The following NBEAL2 variants were observed in gnomAD, a reference collection of about 807,000 sequenced individuals.
NBEAL2 encodes neurobeachin like 2.
Under a neutral mutation model 299.8 loss-of-function variants are expected in NBEAL2, and 160 were observed. That is an observed-to-expected ratio of 0.53 (90% CI 0.47 to 0.61). The LOEUF is 0.61. Among genes scored for constraint, NBEAL2 ranks in the 20% least tolerant of loss-of-function variants. The pLI, the probability that NBEAL2 is intolerant of heterozygous loss-of-function variation, is 0.00. For synonymous variants in NBEAL2, 1,493 were observed against 1,542.3 expected, an observed-to-expected ratio of 0.97 and a Z score of 0.75; for missense variants, 3,112 against 3,649.0, an observed-to-expected ratio of 0.85 and a Z score of 3.79.
intron 1 of NBEAL2, chr3:46,987,962 C>T (rs2035790497): frequency 7.9e-7 from 1 of 1,270,342 alleles, no homozygotes; most frequent in South Asian, 1.3e-5. Flanking sequence ...TGCCCCAGCC[C>T]CGGGGCGGGA....
rs200066213 is a variant in NBEAL2, at chr3:46,991,774, T to C, written c.926-66T>C. On this transcript the variant is annotated intron_variant, in intron 8 of 53. Coordinates refer to ENST00000450053, the MANE Select transcript of NBEAL2 (RefSeq NM_015175.3). The surrounding 1 kb of genome is among the most constrained non-coding windows in gnomAD (Gnocchi z 6.2). ...GATGGAAGGTCTGGATAGGGCAGCATAGGAAGGAAGGCTTAAGGCTGCCTA... is the reference window on the plus strand; with the variant it reads ...GATGGAAGGTCTGGATAGGGCAGCACAGGAAGGAAGGCTTAAGGCTGCCTA... The C allele has an allele frequency of 1.9e-6, 3 of 1,562,804 alleles. No homozygotes were observed. The highest frequency in any genetic ancestry group is 2.6e-6 in the Non-Finnish European group (3 of 1,153,220).
At position 46,995,416 on chromosome 3, in the gene NBEAL2, G is replaced by A. The variant is rs981002487; in HGVS notation, c.1681G>A (p.Val561Ile). ...TGGAAAGGCCCGACACGCAGGTGCT[G>A]TCATCCGCACATTATCAGGCATGGC... is the stretch of plus-strand genomic sequence containing the variant. ...EAGKARHAGA[V>I]IRTLSGMARH... is the part of the protein sequence containing the mutation. Residue 561 changes from valine (V) to isoleucine (I), a missense_variant, in exon 13 of 54, where the codon GTC becomes ATC. This residue lies in a region of NBEAL2 where 2,243 missense variants were observed against 2,538.1 expected (regional missense o/e 0.88). Transcript: ENST00000450053. The A allele has an allele frequency of 2.5e-6, 4 of 1,612,698 alleles. No homozygotes were observed. Among genetic ancestry groups the A allele is most frequent in the Middle Eastern group, 1.6e-4 (1 of 6,084 alleles).
Position 47,005,398 on chromosome 3 carries a change from A to AC in NBEAL2, c.6560+81dup, listed in dbSNP as rs2037353006. Reference sequence around the variant, plus strand: ...CTGGTCCTCCCCACATCCTGGGCCCACCCCTGGCTCCCTTCTTCCCTCCAG... The same window carrying AC: ...CTGGTCCTCCCCACATCCTGGGCCCACCCCCTGGCTCCCTTCTTCCCTCCAG... On this transcript the variant is annotated intron_variant, in intron 40 of 53. Coordinates refer to ENST00000450053, the MANE Select transcript of NBEAL2 (RefSeq NM_015175.3). The AC allele has an allele frequency of 1.9e-4, 301 of 1,568,396 alleles. 2 individuals carry two copies. In the South Asian group the frequency reaches 3.3e-3, roughly 17 times the overall value.
intron 1 of NBEAL2, among the ~76,000 whole-genome samples, chr3:46,986,647 A>G (rs963107898): frequency 2.0e-5 from 3 of 152,064 alleles, no homozygotes; most frequent in African/African-American, 7.2e-5. Context: ...CAGTATTGGG[A>G]CATTTTTGAA....
intron 21 of NBEAL2, 25 bp from the exon 22 acceptor site, chr3:46,998,438 G>C: frequency 6.3e-7 from 1 of 1,599,750 alleles, no homozygotes; most frequent in East Asian, 2.3e-5. Flanking sequence ...CTAGTGGCCT[G>C]AGCCCTCTGC....
Position 46,979,868 on chromosome 3 carries a change from G to A in NBEAL2, c.7G>A (p.Ala3Thr), listed in dbSNP as rs1314209463. The A allele has an allele frequency of 4.3e-6, 2 of 468,602 alleles. No individual in the cohort carries two copies. Among genetic ancestry groups the A allele is most frequent in the Non-Finnish European group, 7.7e-6 (2 of 260,208 alleles). 29.0% of individuals were successfully genotyped at this position (468,602 alleles called of 1,614,324 possible). Residue 3 changes from alanine to threonine, a missense_variant, in exon 1 of 54, where the codon GCC becomes ACC. Physicochemically the swap from Ala to Thr is moderately conservative, Grantham distance 58 (BLOSUM62 0). Around this residue, in one of 3 missense-constraint regions of NBEAL2, gnomAD observed 2,243 missense variants for 2,538.1 expected, o/e 0.88. Coordinates refer to ENST00000450053, the MANE Select transcript of NBEAL2 (RefSeq NM_015175.3). MA[A>T]SERLYELWLL... is the part of the protein sequence containing the mutation. ...GCCGGAGCCGGGCCGGGCCATGGCC[G>A]CCTCGGAGCGGCTGTACGAGTTGTG...
chr3:47,007,777 ACTC>A (rs2037565810), intron 48 of NBEAL2, 36 bp from the exon 49 acceptor site: 1 of 1,608,120 alleles, frequency 6.2e-7, no homozygotes, highest in Non-Finnish European at 8.5e-7. Context: ...GGCGGATGTG[ACTC>A]CTCCGTTCTG....
chr3:46,996,326 C>T lies in NBEAL2; in HGVS notation c.2207C>T (p.Thr736Ile). Reference sequence around the variant, plus strand: ...GGATACCGCACAACGACCACCACCACAGGGCTGCCCACACCACCAGTCCCC... The same window carrying T: ...GGATACCGCACAACGACCACCACCATAGGGCTGCCCACACCACCAGTCCCC... The part of the protein sequence containing the change: ...SAGYRTTTTT[T>I]GLPTPPVPAT... Residue 736 changes from threonine (T) to isoleucine (I), a missense_variant, in exon 16 of 54, where the codon ACA (threonine) becomes ATA (isoleucine). Physicochemically the swap from Thr to Ile is moderately conservative, Grantham distance 89. This residue lies in a region of NBEAL2 where 2,243 missense variants were observed against 2,538.1 expected (regional missense o/e 0.88). Coordinates refer to ENST00000450053, the MANE Select transcript of NBEAL2 (RefSeq NM_015175.3). The T allele has an allele frequency of 2.5e-6, 4 of 1,611,638 alleles. No individual in the cohort carries two copies. The highest frequency in any genetic ancestry group is 3.4e-6 in the Non-Finnish European group (4 of 1,179,866).
Position 47,001,450 on chromosome 3 carries a change from C to T in NBEAL2, c.4644+12C>T. 1 of 1,609,652 alleles carries T rather than the reference C, an allele frequency of 6.2e-7. No individual in the cohort carries two copies. Among genetic ancestry groups the T allele is most frequent in the Non-Finnish European group, 8.5e-7 (1 of 1,178,838 alleles). On this transcript the variant is annotated intron_variant, in intron 29 of 53. Coordinates refer to ENST00000450053, the MANE Select transcript of NBEAL2 (RefSeq NM_015175.3). This position sits in a 1 kb window ranked among gnomAD's most constrained non-coding sequence, Gnocchi z 6.1. The stretch of plus-strand genomic sequence containing the variant: ...TGTGGAGTGAGAAGGTGCGACCCCT[C>T]AGAGAGGCGTGAGCCACATGAACAC...
rs564781036 is a variant in NBEAL2 at position 47,000,099 on chromosome 3, C to G, written c.4000C>G (p.Pro1334Ala). 46 of 1,613,632 alleles carry G rather than the reference C, an allele frequency of 2.9e-5. No individual in the cohort carries two copies. Among genetic ancestry groups the G allele is most frequent in the Non-Finnish European group, 3.9e-5 (46 of 1,179,894 alleles). Residue 1334 changes from proline to alanine, a missense_variant, in exon 27 of 54, where the codon CCC (proline) becomes GCC (alanine). Transcript: ENST00000450053. This position sits in a 1 kb window ranked among gnomAD's most constrained non-coding sequence, Gnocchi z 4.5. ...TGCTGAGCCTTCAGATGTCTTCCTG[C>G]CCTCAGAGGCCCCCTGCCCTGACCC... ...SPAEPSDVFL[P>A]SEAPCPDPDG... is the part of the protein sequence containing the mutation.
Position 46,999,729 on chromosome 3 carries a change from G to T in NBEAL2, c.3789+14G>T. On this transcript the variant is annotated intron_variant, in intron 26 of 53. Transcript: ENST00000450053. Reference sequence around the variant, plus strand: ...ATCTGTCGCCAGGTGAGCATGAGAGGTAAAAGCTTTGGGGGAGGGGGAGGG... The same window carrying T: ...ATCTGTCGCCAGGTGAGCATGAGAGTTAAAAGCTTTGGGGGAGGGGGAGGG... The T allele has an allele frequency of 6.2e-7, 1 of 1,611,380 alleles. No individual in the cohort carries two copies. Among genetic ancestry groups the T allele is most frequent in the Non-Finnish European group, 8.5e-7 (1 of 1,178,846 alleles).
Position 46,994,622 on chromosome 3 carries a change from T to G in NBEAL2, c.1296+69T>G. The G allele has an allele frequency of 2.2e-6, 3 of 1,334,484 alleles. No homozygotes were observed. In the South Asian group the frequency reaches 3.8e-5, roughly 17 times the overall value. 82.7% of individuals were successfully genotyped at this position (1,334,484 alleles called of 1,614,324 possible). ...ACTGAGTCAGGGTTACCACAGATGG[T>G]GAGCTCTCCACCCTGGGGGACCGTA... On this transcript the variant is annotated intron_variant, in intron 12 of 53. Transcript: ENST00000450053.
At position 46,996,560 on chromosome 3, in the gene NBEAL2, A is replaced by C; in HGVS notation, c.2441A>C (p.Gln814Pro). 1.9e-6 allele frequency: 3 copies of C among 1,540,520 alleles called. No homozygotes were observed. Among genetic ancestry groups the C allele is most frequent in the South Asian group, 2.5e-5 (2 of 80,190 alleles). The change falls in exon 16 of 54, where the codon CAG (glutamine) becomes CCG (proline). Residue 814 changes from glutamine to proline, a missense_variant. Transcript: ENST00000450053. The part of the protein sequence containing the change: ...GAVAIFHEAL[Q>P]ATALRTLCTL... Reference sequence around the variant, plus strand: ...GTGGCCATCTTTCACGAAGCCCTGCAGGCGACGGCTCTGAGGACCCTGTGC... The same window carrying C: ...GTGGCCATCTTTCACGAAGCCCTGCCGGCGACGGCTCTGAGGACCCTGTGC...
chr3:47,009,407 G>T lies in NBEAL2; in HGVS notation c.*87G>T. On this transcript the variant is annotated 3_prime_UTR_variant, in exon 54 of 54. Coordinates refer to ENST00000450053, the MANE Select transcript of NBEAL2 (RefSeq NM_015175.3). ...CAGAAGTCGGCGGGAACACCCCGGGGTGGGCAGCCCAGGGGGGTGAGCGGG... is the reference window on the plus strand; with the variant it reads ...CAGAAGTCGGCGGGAACACCCCGGGTTGGGCAGCCCAGGGGGGTGAGCGGG... 3 of 1,292,250 alleles carry T rather than the reference G, an allele frequency of 2.3e-6. No homozygotes were observed. The highest frequency in any genetic ancestry group is 3.2e-6 in the Non-Finnish European group (3 of 934,660). The allele number at this position is 1,292,250 out of a possible 1,614,324, so 80.0% of individuals were successfully genotyped here. A position where few individuals can be genotyped will look rare whatever the true frequency, so the allele number is the denominator to read the frequency against.
intron 1 of NBEAL2, among the ~76,000 whole-genome samples, chr3:46,985,298 C>T (rs2035605815): frequency 1.3e-5 from 2 of 152,192 alleles, no homozygotes; most frequent in African/African-American, 2.4e-5. Flanking sequence ...GTGATGGTGA[C>T]AGATGTCTAC....
chr3:47,007,734 A>G (rs1406929868), intron 48 of NBEAL2, 37 bp downstream of exon 48: 2 of 1,608,996 alleles, frequency 1.2e-6, no homozygotes, highest in Non-Finnish European at 1.7e-6. Context: ...AATGAGGCAC[A>G]CAGGTATGGG....
intron 43 of NBEAL2, 25 bp downstream of exon 43, chr3:47,006,088 C>A: frequency 6.2e-7 from 1 of 1,612,836 alleles, no homozygotes; most frequent in South Asian, 1.1e-5. Context: ...GGACTCCAGT[C>A]AGGGCCAGGA....
In NBEAL2 at chr3:47,003,861, G is replaced by A. The variant is rs761709253; in HGVS notation, c.5766G>A (p.Leu1922=). The A allele has an allele frequency of 1.2e-6, 2 of 1,612,942 alleles. No individual in the cohort carries two copies. Among genetic ancestry groups the A allele is most frequent in the African/African-American group, 1.3e-5 (1 of 74,900 alleles). ...ATGAGCAGCGTGAGAAGCTGGTGCT[G>A]TCGGCCGAGTGCCAGCTGGTGACGG... ...ELDEQREKLV[L]SAECQLVTVV... Residue 1922 remains leucine (L), a synonymous_variant, in exon 36 of 54, where the codon CTG becomes CTA. Transcript: ENST00000450053. The surrounding 1 kb of genome is among the most constrained non-coding windows in gnomAD (Gnocchi z 7.0).
chr3:47,001,618 ACTTTG>A lies in NBEAL2; in HGVS notation c.4645-68_4645-64del, dbSNP rs1273322527. 1.3e-5 allele frequency: 21 copies of A among 1,592,500 alleles called. No individual in the cohort carries two copies. The highest frequency in any genetic ancestry group is 1.8e-5 in the Non-Finnish European group (21 of 1,167,036). On this transcript the variant is annotated intron_variant, in intron 29 of 53. Transcript: ENST00000450053. The surrounding 1 kb of genome is among the most constrained non-coding windows in gnomAD (Gnocchi z 6.1). ...CTACCTGGCCCCCAGCGCAAACTTT[ACTTTG>A]CTCCCTTTCCATGGACTCCTGGCCT...
Sources: allele counts gnomAD v4.1 joint callset (sites outside exome capture counted in the v4.1 genomes callset), GRCh38; gene constraint gnomAD v4.1.1; regional missense constraint gnomAD v4.1.1; non-coding constraint Gnocchi (gnomAD v3.1); transcripts MANE v1.5; gene names NCBI Gene and HGNC (gene_info 2026-07-23, HGNC 2026-07-21).